The following CERKL variants were observed in gnomAD, a reference collection of about 807,000 sequenced individuals.
CERKL encodes the protein ceramide kinase-like protein.
A neutral mutation model predicts 63.4 loss-of-function variants in CERKL; 61 were observed. The ratio of observed to expected loss-of-function variants is 0.96; its 90% confidence interval spans 0.78 to 1.19. The LOEUF (loss-of-function observed/expected upper bound fraction) is 1.19. Among genes scored for constraint, CERKL ranks in the 50% most tolerant of loss-of-function variants. The pLI, the probability that CERKL is intolerant of heterozygous loss-of-function variation, is 0.00. For missense variants in CERKL, 675 were observed against 655.5 expected (o/e 1.03, Z -0.33); for synonymous variants, 250 against 230.5 (o/e 1.08, Z -0.77).
chr2:181,654,717 G>T (rs1220232910), intron 1 of CERKL, among the ~76,000 whole-genome samples: 6 of 150,874 alleles, frequency 4.0e-5, no homozygotes, highest in Non-Finnish European at 8.9e-5. Flanking sequence ...CAACAACAGA[G>T]CATTTCTAAC....
At chr2:181,647,988 A>T (rs1687740067) in intron 1 of CERKL, among the ~76,000 whole-genome samples, 1 of 152,178 alleles carries the variant, frequency 6.6e-6, no homozygotes, top group African/African-American at 2.4e-5. Context: ...AGAAGAAAGA[A>T]TTTCAAAATC....
intron 1 of CERKL, among the ~76,000 whole-genome samples, chr2:181,606,787 A>C (rs1433595164): frequency 6.6e-6 from 1 of 152,106 alleles, no homozygotes; most frequent in African/African-American, 2.4e-5. Flanking sequence ...GGTATCAGAA[A>C]ATCAAACAAT....
chr2:181,613,164 T>C (rs1264704370), intron 1 of CERKL, among the ~76,000 whole-genome samples: 1 of 152,130 alleles, frequency 6.6e-6, no homozygotes, highest in African/African-American at 2.4e-5. Context: ...TCCCCTTGCT[T>C]CCCCTCCCCC....
At chr2:181,568,158 G>T (rs1394805628) in intron 3 of CERKL, among the ~76,000 whole-genome samples, 1 of 152,078 alleles carries the variant, frequency 6.6e-6, no homozygotes, top group East Asian at 1.9e-4. Context: ...ATGTTGATGA[G>T]AAAATCACCT....
Position 181,581,601 on chromosome 2 carries a change from G to A in CERKL, c.482-7717C>T, listed in dbSNP as rs145763433. 3.3e-3 allele frequency among the ~76,000 whole-genome samples: 508 copies of A among 152,308 alleles called. 1 individual carries two copies. The highest frequency in any genetic ancestry group is 8.4e-3 in the Admixed American group (128 of 15,294). ...AAGGCTTTAATAAGGCCATGTTATT[G>A]CTGACAGAAACATGGTGGGCAGGGA... On this transcript the variant is annotated intron_variant, in intron 2 of 12. Transcript: ENST00000410087.
chr2:181,555,903 C>G (rs1017094204), intron 5 of CERKL, among the ~76,000 whole-genome samples: 5 of 151,952 alleles, frequency 3.3e-5, no homozygotes, highest in African/African-American at 1.2e-4. Context: ...CAGGCGCACA[C>G]CACCATGCCC....
intron 2 of CERKL, among the ~76,000 whole-genome samples, chr2:181,576,814 G>C (rs1218896583): frequency 6.6e-6 from 1 of 152,202 alleles, no homozygotes; most frequent in Non-Finnish European, 1.5e-5. Context: ...TGACTCTTTG[G>C]ATATAGTATG....
chr2:181,537,970 G>GTGAGGGATCTAGA lies in CERKL; in HGVS notation c.*201_*213dup. The stretch of plus-strand genomic sequence containing the variant: ...TGCGAACCATATGGTGAACTGGTAT[G>GTGAGGGATCTAGA]TGAGGGATCTAGAGTGCCATGTTCC... On this transcript the variant is annotated 3_prime_UTR_variant, in exon 13 of 13. Coordinates refer to ENST00000410087, the MANE Select transcript of CERKL (RefSeq NM_201548.5). 1 of 655,542 alleles carries GTGAGGGATCTAGA rather than the reference G, an allele frequency of 1.5e-6. No homozygotes were observed. 40.6% of individuals were successfully genotyped at this position (655,542 alleles called of 1,614,324 possible).
chr2:181,593,779 C>T (rs188236432), intron 2 of CERKL, among the ~76,000 whole-genome samples: 211 of 151,158 alleles, frequency 1.4e-3, no homozygotes, highest in Middle Eastern at 6.8e-3. Flanking sequence ...TCCAGTGTTG[C>T]GACATTTTTA....
At chr2:181,612,132 G>T (rs1452012379) in intron 1 of CERKL, among the ~76,000 whole-genome samples, 1 of 152,142 alleles carries the variant, frequency 6.6e-6, no homozygotes, top group Non-Finnish European at 1.5e-5. Flanking sequence ...CTTGTCTGTG[G>T]TCACACATCT....
At chr2:181,580,182 T>C (rs1485257213) in intron 2 of CERKL, among the ~76,000 whole-genome samples, 2 of 151,928 alleles carry the variant, frequency 1.3e-5, no homozygotes, top group Admixed American at 6.6e-5. Flanking sequence ...TTTTTCTGTA[T>C]AGAAACATGG....
At chr2:181,646,769 T>G (rs1687688891) in intron 1 of CERKL, among the ~76,000 whole-genome samples, 1 of 152,198 alleles carries the variant, frequency 6.6e-6, no homozygotes, top group African/African-American at 2.4e-5. Context: ...GACTGAAAAT[T>G]TCCACTTCAT....
At chr2:181,636,250 C>G (rs1687175660) in intron 1 of CERKL, among the ~76,000 whole-genome samples, 1 of 152,156 alleles carries the variant, frequency 6.6e-6, no homozygotes, top group African/African-American at 2.4e-5. Context: ...CTATCTATCC[C>G]ACTGCCCAAG....
rs772513834 is a variant in CERKL, at chr2:181,603,906, G to C, written c.412C>G (p.Leu138Val). 9 of 1,612,654 alleles carry C rather than the reference G, an allele frequency of 5.6e-6. No individual in the cohort carries two copies. The Admixed American group carries it at 1.0e-4, about 18-fold the overall frequency. ...KEQNKLKNSTLDLINLSEDHC... is the reference protein window; with the variant it reads ...KEQNKLKNSTVDLINLSEDHC... ...TCTTCACTTAAATTAATAAGATCAA[G>C]TGTAGAATTCTTTAGTTTATTTTGT... Residue 138 changes from leucine (L) to valine (V), a missense_variant, in exon 2 of 13, where the codon CTT (leucine) becomes GTT (valine). Physicochemically the swap from Leu to Val is conservative, Grantham distance 32. Transcript: ENST00000410087.
At chr2:181,554,350 A>G (rs1445526374) in intron 5 of CERKL, among the ~76,000 whole-genome samples, 2 of 151,986 alleles carry the variant, frequency 1.3e-5, no homozygotes, top group Non-Finnish European at 2.9e-5. Context: ...CGGCACCTAC[A>G]CTTTGGTTCT....
At position 181,537,329 on chromosome 2, in the gene CERKL, A is replaced by ATGGTTGTCCAACACAG. The variant is rs762778734; in HGVS notation, c.*839_*854dup. 12 of 453,696 alleles carry ATGGTTGTCCAACACAG rather than the reference A, an allele frequency of 2.6e-5. No individual in the cohort carries two copies. Among genetic ancestry groups the ATGGTTGTCCAACACAG allele is most frequent in the Non-Finnish European group, 4.9e-5 (11 of 226,716 alleles). 28.1% of individuals were successfully genotyped at this position (453,696 alleles called of 1,614,324 possible). On this transcript the variant is annotated 3_prime_UTR_variant, in exon 13 of 13. Coordinates refer to ENST00000410087, the MANE Select transcript of CERKL (RefSeq NM_201548.5). Reference sequence around the variant, plus strand: ...CTGAGCACAGTGAAAGCAGAGTACTATGGTTGTCCAACACAGGCCTCTCAG... The same window carrying ATGGTTGTCCAACACAG: ...CTGAGCACAGTGAAAGCAGAGTACTATGGTTGTCCAACACAGTGGTTGTCCAACACAGGCCTCTCAG...
At chr2:181,631,329 C>T (rs1406005537) in intron 1 of CERKL, among the ~76,000 whole-genome samples, 2 of 152,182 alleles carry the variant, frequency 1.3e-5, no homozygotes, top group African/African-American at 4.8e-5. Flanking sequence ...CTTCTCAGAG[C>T]TTCCAAACCC....
chr2:181,619,030 T>C (rs1015941357), intron 1 of CERKL, among the ~76,000 whole-genome samples: 1 of 152,200 alleles, frequency 6.6e-6, no homozygotes, highest in African/African-American at 2.4e-5. Context: ...ATCTGAAACA[T>C]CATGAAATAA....
At chr2:181,636,544 C>G (rs539283531) in intron 1 of CERKL, among the ~76,000 whole-genome samples, 9 of 152,142 alleles carry the variant, frequency 5.9e-5, no homozygotes, top group Admixed American at 5.2e-4. Flanking sequence ...CAGGTTGAGA[C>G]GCCAACTTCC....
Sources: gnomAD v4.1 joint callset for allele counts (sites outside exome capture counted in the v4.1 genomes callset) on GRCh38, gnomAD v4.1.1 for gene constraint, MANE v1.5 for transcripts, NCBI Gene and HGNC (gene_info 2026-07-23, HGNC 2026-07-21) for gene names.